Variants in MDH1B observed in about 807,000 individuals in gnomAD.
MDH1B encodes the protein putative malate dehydrogenase 1B.
A neutral mutation model predicts 61.4 loss-of-function variants in MDH1B; 60 were observed. The observed-to-expected ratio is 0.98, with a 90% CI of 0.79 to 1.21. MDH1B has a LOEUF of 1.21. Ranked by LOEUF, MDH1B falls within the 50% of genes most tolerant of loss-of-function variation. The probability of loss-of-function intolerance (pLI) is 0.00; values close to 1 mark genes in which losing one functional copy is unlikely to be tolerated. For synonymous variants in MDH1B, 236 were observed against 218.7 expected (o/e 1.08, Z -0.70); for missense variants, 587 against 632.1 (o/e 0.93, Z 0.76).
At chr2:206,745,351 G>T (rs988241625) in intron 9 of MDH1B, 1 of 578,394 alleles carries the variant, frequency 1.7e-6, no homozygotes, top group Non-Finnish European at 3.3e-6. Flanking sequence ...CCACTTTGTG[G>T]TAATTTGTTA....
Position 206,755,067 on chromosome 2 carries a change from C to A in MDH1B, c.852G>T (p.Leu284=). ...TGGCTTTCGCTTCACCTTCCACCCCCAGCGCCACAGCAATAATGTTGTGTG... is the reference window on the plus strand; with the variant it reads ...TGGCTTTCGCTTCACCTTCCACCCCAAGCGCCACAGCAATAATGTTGTGTG... ...RIAHNIIAVA[L]GVEGEAKAIL... Residue 284 remains leucine, a synonymous_variant, in exon 5 of 12, where the codon CTG becomes CTT. Coordinates refer to ENST00000374412, the MANE Select transcript of MDH1B (RefSeq NM_001039845.3). 1 of 1,614,242 alleles carries A rather than the reference C, an allele frequency of 6.2e-7. No homozygotes were observed. The highest frequency in any genetic ancestry group is 8.5e-7 in the Non-Finnish European group (1 of 1,180,026).
At chr2:206,739,695 T>C (rs1484276234) in intron 10 of MDH1B, 34 bp from the exon 11 acceptor site, 1 of 1,594,832 alleles carries the variant, frequency 6.3e-7, no homozygotes, top group Non-Finnish European at 8.6e-7. Context: ...GTTTTTAGTA[T>C]GTAAAGCGCA....
chr2:206,744,476 A>G (rs546370485), intron 9 of MDH1B, among the ~76,000 whole-genome samples: 1 of 152,358 alleles, frequency 6.6e-6, no homozygotes, highest in Non-Finnish European at 1.5e-5. Context: ...AGATGAGATC[A>G]TCTTTAAGGC....
intron 1 of MDH1B, among the ~76,000 whole-genome samples, chr2:206,762,718 C>A (rs1224692177): frequency 6.6e-6 from 1 of 152,106 alleles, no homozygotes; most frequent in Non-Finnish European, 1.5e-5. Context: ...TGTAGCAGAC[C>A]CCACAATTCT....
At chr2:206,744,950 A>AT (rs1553584058) in intron 9 of MDH1B, among the ~76,000 whole-genome samples, 5 of 147,678 alleles carry the variant, frequency 3.4e-5, no homozygotes, top group South Asian at 2.2e-4. Flanking sequence ...AAATAAATAA[A>AT]ATATATATAT....
At chr2:206,753,515 GATAA>G (rs1388004609) in intron 5 of MDH1B, among the ~76,000 whole-genome samples, 1 of 152,162 alleles carries the variant, frequency 6.6e-6, no homozygotes, top group East Asian at 1.9e-4. Flanking sequence ...CACATGGTCT[GATAA>G]ATAGTGATTT....
intron 1 of MDH1B, among the ~76,000 whole-genome samples, chr2:206,761,615 T>C (rs1401105827): frequency 1.3e-5 from 2 of 152,208 alleles, no homozygotes; most frequent in African/African-American, 2.4e-5. Flanking sequence ...TATATATGTA[T>C]ATGTATATGT....
In MDH1B at chr2:206,740,933, A is replaced by G. The variant is rs1687772022; in HGVS notation, c.1459+121T>C. On this transcript the variant is annotated intron_variant, in intron 10 of 11. Coordinates refer to ENST00000374412, the MANE Select transcript of MDH1B (RefSeq NM_001039845.3). ...TCAAAGTGTTTGTGAAGCATATGAA[A>G]AGAAGCAGTTATTTAAAACTTGCTT... 3.0e-6 allele frequency: 4 copies of G among 1,353,842 alleles called. No individual in the cohort carries two copies. The East Asian group carries it at 7.1e-5, about 24-fold the overall frequency. The allele number at this position is 1,353,842 out of a possible 1,614,324, so 83.9% of individuals were successfully genotyped here.
intron 5 of MDH1B, 42 bp from the exon 6 acceptor site, chr2:206,751,117 G>C: frequency 7.2e-7 from 1 of 1,389,532 alleles, no homozygotes; most frequent in Non-Finnish European, 9.7e-7. Flanking sequence ...AATAATGTAT[G>C]TTAATATAAA....
intron 6 of MDH1B, among the ~76,000 whole-genome samples, chr2:206,750,182 G>GA (rs1369429479): frequency 1.3e-5 from 2 of 151,642 alleles, no homozygotes; most frequent in African/African-American, 4.8e-5. Flanking sequence ...GCAAAGTTTA[G>GA]AAAAAATGCT....
intron 1 of MDH1B, among the ~76,000 whole-genome samples, chr2:206,764,921 C>T (rs1052841388): frequency 6.6e-6 from 1 of 152,210 alleles, no homozygotes; most frequent in Admixed American, 6.5e-5. Flanking sequence ...GTCCACCTCT[C>T]CCTCATCCCC....
At chr2:206,753,584 C>T (rs1186785278) in intron 5 of MDH1B, among the ~76,000 whole-genome samples, 2 of 152,146 alleles carry the variant, frequency 1.3e-5, no homozygotes, top group African/African-American at 2.4e-5. Context: ...AGGTTTGCCA[C>T]CCTCTTGGCA....
rs553217630 is a variant in MDH1B at position 206,755,524 on chromosome 2, C to T, written c.414-19G>A. ...AGAGGCACTGATAAAAATGCAAAGC[C>T]GCATTGTGAATAGTTATATCCTTTG... On this transcript the variant is annotated intron_variant, in intron 4 of 11. Transcript: ENST00000374412. The T allele has an allele frequency of 1.2e-4, 195 of 1,597,464 alleles. No individual in the cohort carries two copies. Among genetic ancestry groups the T allele is most frequent in the South Asian group, 8.7e-4 (76 of 87,414 alleles).
At chr2:206,739,494 G>T in intron 11 of MDH1B, 99 bp downstream of exon 11, 1 of 1,091,564 alleles carries the variant, frequency 9.2e-7, no homozygotes, top group Non-Finnish European at 1.4e-6. Flanking sequence ...AGTGGGGAGG[G>T]TTTGACAAGA....
rs745720439 is a variant in MDH1B at position 206,755,221 on chromosome 2, AC to A, written c.697del (p.Val233CysfsTer10). ...FTLEDCLRSRVPLCRLYGYLI... is the reference protein window; with the variant it reads ...FTLEDCLRSRXPLCRLYGYLI... Reference sequence around the variant, plus strand: ...GTACCCATAGAGCCTGCAGAGAGGCACCCTGCTTCGGAGGCAGTCCTCCAGA... The same window carrying A: ...GTACCCATAGAGCCTGCAGAGAGGCACCTGCTTCGGAGGCAGTCCTCCAGA... On this transcript the variant is annotated frameshift_variant, in exon 5 of 12. Coordinates refer to ENST00000374412, the MANE Select transcript of MDH1B (RefSeq NM_001039845.3). LOFTEE classifies it high-confidence loss of function. 5.6e-6 allele frequency: 9 copies of A among 1,614,030 alleles called. No homozygotes were observed. The highest frequency in any genetic ancestry group is 1.3e-5 in the African/African-American group (1 of 74,918).
intron 1 of MDH1B, among the ~76,000 whole-genome samples, chr2:206,763,954 C>A (rs539441124): frequency 5.9e-5 from 9 of 152,228 alleles, no homozygotes; most frequent in African/African-American, 9.6e-5. Context: ...ATGCAACATT[C>A]TCTGTGTGTT....
intron 8 of MDH1B, 94 bp downstream of exon 8, chr2:206,746,193 G>T (rs1688099962): frequency 1.8e-6 from 2 of 1,121,986 alleles, no homozygotes; most frequent in Non-Finnish European, 2.4e-6. Flanking sequence ...AAAAAAATTT[G>T]AATCCATAGA....
In MDH1B at chr2:206,738,448, A is replaced by G; in HGVS notation, c.*35T>C. The G allele has an allele frequency of 6.8e-7, 1 of 1,478,518 alleles. No homozygotes were observed. The highest frequency in any genetic ancestry group is 9.3e-7 in the Non-Finnish European group (1 of 1,076,844). 91.6% of individuals were successfully genotyped at this position (1,478,518 alleles called of 1,614,324 possible). On this transcript the variant is annotated 3_prime_UTR_variant, in exon 12 of 12. Transcript: ENST00000374412. Reference sequence around the variant, plus strand: ...AAATTCTTTCTATGTTTATTGTGCTATCAAGTAATTATATATTTCATCCAA... The same window carrying G: ...AAATTCTTTCTATGTTTATTGTGCTGTCAAGTAATTATATATTTCATCCAA...
At chr2:206,763,536 A>G (rs1689229776) in intron 1 of MDH1B, among the ~76,000 whole-genome samples, 1 of 152,080 alleles carries the variant, frequency 6.6e-6, no homozygotes, top group Non-Finnish European at 1.5e-5. Flanking sequence ...ACATTCAGAT[A>G]AAATTCAGAT....
Sources: gnomAD v4.1 joint callset for allele counts (sites outside exome capture counted in the v4.1 genomes callset) on GRCh38, gnomAD v4.1.1 for gene constraint, MANE v1.5 for transcripts, NCBI Gene and HGNC (gene_info 2026-07-23, HGNC 2026-07-21) for gene names.